Variants in USP14 observed in about 807,000 individuals in gnomAD.
USP14 encodes ubiquitin carboxyl-terminal hydrolase 14.
Under a neutral mutation model 76.5 loss-of-function variants are expected in USP14, and 38 were observed. The observed-to-expected ratio is 0.50, with a 90% confidence interval of 0.38 to 0.65. The LOEUF (loss-of-function observed/expected upper bound fraction) is 0.65, where lower values mean the gene tolerates loss of function less well. Among genes scored for constraint, USP14 ranks in the 30% least tolerant of loss-of-function variants. The pLI is 0.00. For synonymous variants in USP14, 192 were observed against 191.7 expected, an observed-to-expected ratio of 1.00 and a Z score of -0.01; for missense variants, 467 against 586.5, an observed-to-expected ratio of 0.80 and a Z score of 2.10.
chr18:205,474 T>C lies in USP14; in HGVS notation c.1164+782T>C, dbSNP rs186974871. Reference sequence around the variant, plus strand: ...CCAACCCGTTCATTTCTATAATTTTTGTCATTTCAAGAAAGTTGGCCAGGC... The same window carrying C: ...CCAACCCGTTCATTTCTATAATTTTCGTCATTTCAAGAAAGTTGGCCAGGC... On this transcript the variant is annotated intron_variant, in intron 13 of 15. Transcript: ENST00000261601. 6.3e-3 allele frequency among the ~76,000 whole-genome samples: 959 copies of C among 152,250 alleles called. 4 individuals carry two copies. The highest frequency in any genetic ancestry group is 0.011 in the Non-Finnish European group (751 of 68,014).
Position 198,094 on chromosome 18 carries a change from T to C in USP14, c.723T>C (p.Ser241=). The C allele has an allele frequency of 1.2e-6, 2 of 1,610,856 alleles. No individual in the cohort carries two copies. The highest frequency in any genetic ancestry group is 8.5e-7 in the Non-Finnish European group (1 of 1,177,838). Residue 241 remains serine, a synonymous_variant, in exon 9 of 16, where the codon AGT becomes AGC. Coordinates refer to ENST00000261601, the MANE Select transcript of USP14 (RefSeq NM_005151.4). The part of the protein sequence containing the change: ...ASAATPSKKK[S]LIDQFFGVEF... Reference sequence around the variant, plus strand: ...CAGCGACACCTTCTAAAAAGAAAAGTTTAATCGATCAGTTCTTCGGTGTTG... The same window carrying C: ...CAGCGACACCTTCTAAAAAGAAAAGCTTAATCGATCAGTTCTTCGGTGTTG...
chr18:192,355 G>C (rs1174253479), intron 5 of USP14, among the ~76,000 whole-genome samples: 5 of 152,114 alleles, frequency 3.3e-5, no homozygotes, highest in Non-Finnish European at 7.3e-5. Context: ...CCTGAGGTCA[G>C]GAGTTTGAGA....
chr18:198,998 T>G (rs982848775), intron 9 of USP14, among the ~76,000 whole-genome samples: 1 of 152,216 alleles, frequency 6.6e-6, no homozygotes, highest in African/African-American at 2.4e-5. Context: ...TAATACACAT[T>G]TATTACTCAT....
At chr18:182,068 T>C (rs1278001666) in intron 5 of USP14, among the ~76,000 whole-genome samples, 4 of 152,194 alleles carry the variant, frequency 2.6e-5, no homozygotes, top group African/African-American at 9.7e-5. Context: ...TCTTTTCCAT[T>C]TATATATATG....
At position 178,947 on chromosome 18, in the gene USP14, A is replaced by G; in HGVS notation, c.210A>G (p.Leu70=). 1 of 1,611,330 alleles carries G rather than the reference A, an allele frequency of 6.2e-7. No homozygotes were observed. Among genetic ancestry groups the G allele is most frequent in the Non-Finnish European group, 8.5e-7 (1 of 1,178,990 alleles). The part of the protein sequence containing the change: ...NIKIKNGMTL[L]MMGSADALPE... Reference sequence around the variant, plus strand: ...TTTAAAAACAGGGAATGACTCTACTAATGATGGGGTCAGCAGATGCTCTTC... The same window carrying G: ...TTTAAAAACAGGGAATGACTCTACTGATGATGGGGTCAGCAGATGCTCTTC... Residue 70 remains leucine, a synonymous_variant, in exon 4 of 16, where the codon CTA becomes CTG. Transcript: ENST00000261601.
At chr18:205,618 G>GA (rs1334975455) in intron 13 of USP14, among the ~76,000 whole-genome samples, 1 of 151,870 alleles carries the variant, frequency 6.6e-6, no homozygotes, top group Non-Finnish European at 1.5e-5. Flanking sequence ...TACAAAATAT[G>GA]AAAATAAAAA....
At position 211,179 on chromosome 18, in the gene USP14, A is replaced by G. The variant is rs1484374260; in HGVS notation, c.1380A>G (p.Pro460=). ...ATGACAAAGTCAGCATCGTAACACC[A>G]GAAGATATCTTACGGCTTTCTGGTG... ...FDDDKVSIVT[P]EDILRLSGGG... is the part of the protein sequence containing the mutation. Residue 460 remains proline, a synonymous_variant, in exon 16 of 16, where the codon CCA becomes CCG. Transcript: ENST00000261601. 1.9e-6 allele frequency: 3 copies of G among 1,613,990 alleles called. No individual in the cohort carries two copies. Among genetic ancestry groups the G allele is most frequent in the Admixed American group, 1.7e-5 (1 of 59,998 alleles).
intron 4 of USP14, among the ~76,000 whole-genome samples, 182 bp downstream of exon 4, chr18:179,219 TTAAA>T (rs1909712769): frequency 6.6e-6 from 1 of 152,322 alleles, no homozygotes; most frequent in African/African-American, 2.4e-5. Flanking sequence ...CCTTCTGTAG[TTAAA>T]TAAGGCACAG....
chr18:193,830 T>C (rs1857336129), intron 6 of USP14, among the ~76,000 whole-genome samples: 1 of 152,210 alleles, frequency 6.6e-6, no homozygotes, highest in Admixed American at 6.5e-5. Flanking sequence ...CATTTATCCA[T>C]TCATCGTTGG....
chr18:200,799 A>AT (rs906068374), intron 10 of USP14, among the ~76,000 whole-genome samples: 4 of 150,142 alleles, frequency 2.7e-5, no homozygotes, highest in African/African-American at 7.4e-5. Context: ...ATTTTATTTT[A>AT]TTTATTTATT....
chr18:190,019 A>G (rs1338331077), intron 5 of USP14, among the ~76,000 whole-genome samples: 1 of 152,176 alleles, frequency 6.6e-6, no homozygotes, highest in Non-Finnish European at 1.5e-5. Context: ...GAACTCTATG[A>G]ACAGAAATGT....
chr18:161,008 A>T (rs1446390675), intron 1 of USP14, among the ~76,000 whole-genome samples: 7 of 151,392 alleles, frequency 4.6e-5, no homozygotes, highest in Non-Finnish European at 2.9e-5. Context: ...GCTCACTGCG[A>T]CCTCCACCTC....
intron 3 of USP14, among the ~76,000 whole-genome samples, chr18:167,753 C>T (rs575863825): frequency 2.6e-5 from 4 of 151,866 alleles, no homozygotes; most frequent in South Asian, 2.1e-4. Context: ...AGGGCTCAAG[C>T]GATCCTCCTG....
intron 3 of USP14, among the ~76,000 whole-genome samples, chr18:168,409 A>G (rs1452585594): frequency 6.6e-6 from 1 of 151,978 alleles, no homozygotes; most frequent in East Asian, 1.9e-4. Context: ...GATTTCTTAA[A>G]CTTTATTGAC....
intron 1 of USP14, 124 bp downstream of exon 1, chr18:158,838 C>T (rs907099501): frequency 2.4e-6 from 3 of 1,249,694 alleles, no homozygotes; most frequent in South Asian, 3.0e-5. Context: ...TGCGCGGGGC[C>T]GGCGGCGCGG....
At position 207,015 on chromosome 18, in the gene USP14, T is replaced by C. The variant is rs188286014; in HGVS notation, c.1164+2323T>C. On this transcript the variant is annotated intron_variant, in intron 13 of 15. Transcript: ENST00000261601. Reference sequence around the variant, plus strand: ...ATATAGTGTGAGGTGTGGGTTCAGATTCATTGTTTTGCATGTGAATATCTG... The same window carrying C: ...ATATAGTGTGAGGTGTGGGTTCAGACTCATTGTTTTGCATGTGAATATCTG... 2.4e-4 allele frequency among the ~76,000 whole-genome samples: 37 copies of C among 152,270 alleles called. 2 individuals are homozygous for C. The highest frequency in any genetic ancestry group is 2.1e-3 in the Admixed American group (32 of 15,282).
chr18:168,456 ACAGAGT>A (rs1460855542), intron 3 of USP14, among the ~76,000 whole-genome samples: 3 of 151,724 alleles, frequency 2.0e-5, no homozygotes, highest in Non-Finnish European at 4.4e-5. Context: ...TTTTTTTGAG[ACAGAGT>A]CTTGCTTTGT....
intron 5 of USP14, among the ~76,000 whole-genome samples, chr18:188,495 G>A (rs895903097): frequency 7.0e-6 from 1 of 142,384 alleles, no homozygotes; most frequent in Non-Finnish European, 1.5e-5. Context: ...ATAGCATTCT[G>A]TCTCCCTCTG....
chr18:199,449 T>C, intron 10 of USP14, 133 bp downstream of exon 10: 2 of 613,416 alleles, frequency 3.3e-6, no homozygotes, highest in South Asian at 4.3e-5. Flanking sequence ...AGTTGCCCGA[T>C]ACACACAGTC....
Sources: allele counts gnomAD v4.1 joint callset (sites outside exome capture counted in the v4.1 genomes callset), GRCh38; gene constraint gnomAD v4.1.1; transcripts MANE v1.5; gene names NCBI Gene and HGNC (gene_info 2026-07-23, HGNC 2026-07-21).